PCDHGB3: variants seen among roughly 807,000 people sequenced by gnomAD.
PCDHGB3 encodes the protein protocadherin gamma-B3.
A neutral mutation model predicts 59.2 loss-of-function variants in PCDHGB3; 40 were observed. That is an observed-to-expected ratio of 0.68 (90% CI 0.52 to 0.88). PCDHGB3 has a LOEUF of 0.88. Among genes scored for constraint, PCDHGB3 ranks in the 40% least tolerant of loss-of-function variants. The pLI is 0.00. For missense variants in PCDHGB3, 1,309 were observed against 1,187.9 expected, an observed-to-expected ratio of 1.10 and a Z score of -1.50; for synonymous variants, 581 against 503.6, an observed-to-expected ratio of 1.15 and a Z score of -2.06.
chr5:141,384,934 G>C lies in PCDHGB3; in HGVS notation c.2415+12125G>C, dbSNP rs750109041. Reference sequence around the variant, plus strand: ...AGTCTTGGCCGACCTGGGCAGCCTTGAGCCCTCCGACGGTCCTTACAACTA... The same window carrying C: ...AGTCTTGGCCGACCTGGGCAGCCTTCAGCCCTCCGACGGTCCTTACAACTA... On this transcript the variant is annotated intron_variant, in intron 1 of 3. Coordinates refer to ENST00000576222, the MANE Select transcript of PCDHGB3 (RefSeq NM_018924.5). 2.9e-5 allele frequency: 47 copies of C among 1,614,050 alleles called. No homozygotes were observed. In the East Asian group the frequency reaches 1.0e-3, roughly 34 times the overall value.
intron 1 of PCDHGB3, among the ~76,000 whole-genome samples, chr5:141,381,695 T>C (rs1479367517): frequency 6.6e-6 from 1 of 152,164 alleles, no homozygotes; most frequent in Non-Finnish European, 1.5e-5. Flanking sequence ...CAAACAACGA[T>C]TTCTTTCTTT....
chr5:141,397,986 C>G, intron 1 of PCDHGB3: 2 of 1,316,082 alleles, frequency 1.5e-6, no homozygotes, highest in Non-Finnish European at 2.1e-6. Flanking sequence ...GCCTTTACAC[C>G]GCTTCCTCCT....
intron 1 of PCDHGB3, chr5:141,413,055 C>G: frequency 9.8e-7 from 1 of 1,019,544 alleles, no homozygotes; most frequent in Non-Finnish European, 1.4e-6. Flanking sequence ...GGGAAGCTCA[C>G]TCCAGAATTT....
chr5:141,418,637 T>A, intron 1 of PCDHGB3: 1 of 1,613,998 alleles, frequency 6.2e-7, no homozygotes. Context: ...TCCAGGCACC[T>A]CCATCCTGAG....
intron 2 of PCDHGB3, among the ~76,000 whole-genome samples, chr5:141,504,479 G>T (rs1270717855): frequency 6.6e-6 from 1 of 152,100 alleles, no homozygotes; most frequent in African/African-American, 2.4e-5. Context: ...TGGGAGTACA[G>T]TGGAGGCACC....
chr5:141,466,969 C>T (rs2099133068), intron 1 of PCDHGB3, among the ~76,000 whole-genome samples: 1 of 152,068 alleles, frequency 6.6e-6, no homozygotes, highest in African/African-American at 2.4e-5. Flanking sequence ...TATTTTCTCA[C>T]AGCTCATCAT....
chr5:141,427,982 G>T, intron 1 of PCDHGB3: 1 of 1,596,752 alleles, frequency 6.3e-7, no homozygotes, highest in African/African-American at 1.3e-5. Flanking sequence ...CCGCGCTGGG[G>T]CCCGATGGCT....
rs770685748 is a variant in PCDHGB3 at position 141,486,601 on chromosome 5, C to T, written c.2416-8206C>T. 9 of 1,613,558 alleles carry T rather than the reference C, an allele frequency of 5.6e-6. No homozygotes were observed. The highest frequency in any genetic ancestry group is 7.6e-6 in the Non-Finnish European group (9 of 1,180,024). On this transcript the variant is annotated intron_variant, in intron 1 of 3. Transcript: ENST00000576222. This position sits in a 1 kb window ranked among gnomAD's most constrained non-coding sequence, Gnocchi z 5.0. ...ATCGCCCAGGGGACCTGCTTTGCTC[C>T]CTTGCAGCCTCTGACCCAGACTCTG...
intron 1 of PCDHGB3, among the ~76,000 whole-genome samples, chr5:141,482,875 C>T (rs2099573976): frequency 6.6e-6 from 1 of 151,958 alleles, no homozygotes; most frequent in African/African-American, 2.4e-5. Context: ...AGTTTGAAAC[C>T]AGCCTGGCCA....
chr5:141,388,514 GA>G (rs1218773677), intron 1 of PCDHGB3: 33 of 1,613,840 alleles, frequency 2.0e-5, no homozygotes, highest in Non-Finnish European at 2.8e-5. Flanking sequence ...CCTACCACTT[GA>G]CTTTGACTGC....
intron 1 of PCDHGB3, chr5:141,419,335 T>C: frequency 6.2e-7 from 1 of 1,613,886 alleles, no homozygotes; most frequent in Non-Finnish European, 8.5e-7. Context: ...ACTCTCTCAT[T>C]GCCAGCGACC....
In PCDHGB3 at chr5:141,385,264, G is replaced by C. The variant is rs879420336; in HGVS notation, c.2415+12455G>C. 3 of 1,613,712 alleles carry C rather than the reference G, an allele frequency of 1.9e-6. No individual in the cohort carries two copies. In the African/African-American group the frequency reaches 4.0e-5, roughly 22 times the overall value. The stretch of plus-strand genomic sequence containing the variant: ...CAGCCAGGAGAGCTGTGAGAAAAAT[G>C]ATTCTTTGCTAACATCCGTAGATTT... On this transcript the variant is annotated intron_variant, in intron 1 of 3. Transcript: ENST00000576222.
chr5:141,403,604 G>C, intron 1 of PCDHGB3: 2 of 1,613,768 alleles, frequency 1.2e-6, no homozygotes, highest in Non-Finnish European at 1.7e-6. Flanking sequence ...CTCGGATGGC[G>C]GCGAGCCGCG....
At chr5:141,454,964 C>T (rs1283179107) in intron 1 of PCDHGB3, among the ~76,000 whole-genome samples, 10 of 151,622 alleles carry the variant, frequency 6.6e-5, no homozygotes, top group African/African-American at 2.4e-4. Flanking sequence ...CCGGCCACCA[C>T]GCCTGGCTAA....
At chr5:141,478,016 G>A (rs1204231648) in intron 1 of PCDHGB3, 1 of 1,614,108 alleles carries the variant, frequency 6.2e-7, no homozygotes, top group Non-Finnish European at 8.5e-7. Context: ...TGCCCGTCCA[G>A]TCCAAGACAC....
Position 141,477,200 on chromosome 5 carries a change from C to T in PCDHGB3, c.2416-17607C>T. ...AGTCACCTCCGTGTACAGCCCAGTACCCGAGGATGCCCCTCTGGGGACTGT... is the reference window on the plus strand; with the variant it reads ...AGTCACCTCCGTGTACAGCCCAGTATCCGAGGATGCCCCTCTGGGGACTGT... On this transcript the variant is annotated intron_variant, in intron 1 of 3. Transcript: ENST00000576222. This position sits in a 1 kb window ranked among gnomAD's most constrained non-coding sequence, Gnocchi z 4.9. The T allele has an allele frequency of 1.2e-6, 2 of 1,614,206 alleles. No individual in the cohort carries two copies. The highest frequency in any genetic ancestry group is 1.3e-5 in the African/African-American group (1 of 75,056).
intron 1 of PCDHGB3, chr5:141,419,497 G>A (rs1357823931): frequency 6.2e-7 from 1 of 1,612,390 alleles, no homozygotes; most frequent in South Asian, 1.1e-5. Context: ...GCGCCAATGT[G>A]AGCCTGCGCG....
At chr5:141,400,681 T>C in intron 1 of PCDHGB3, 1 of 834,118 alleles carries the variant, frequency 1.2e-6, no homozygotes, top group Non-Finnish European at 1.9e-6. Flanking sequence ...CAGTAAATTG[T>C]GAGTTTTTAT....
chr5:141,396,765 T>A (rs1446594255), intron 1 of PCDHGB3: 1 of 152,246 alleles, frequency 6.6e-6, no homozygotes, highest in Non-Finnish European at 1.5e-5. Flanking sequence ...CAATAAATGT[T>A]TGTTATTAAT....
Sources: allele counts gnomAD v4.1 joint callset (sites outside exome capture counted in the v4.1 genomes callset), GRCh38; gene constraint gnomAD v4.1.1; non-coding constraint Gnocchi (gnomAD v3.1); transcripts MANE v1.5; gene names NCBI Gene and HGNC (gene_info 2026-07-23, HGNC 2026-07-21).